The following ATP6V0E1 variants were observed in gnomAD, a reference collection of about 807,000 sequenced individuals.
ATP6V0E1 encodes V-type proton ATPase subunit e 1.
ATP6V0E1 carries 4 observed loss-of-function variants against 11.6 expected under a neutral mutation model. The ratio of observed to expected loss-of-function variants is 0.35; its 90% confidence interval spans 0.17 to 0.79. The LOEUF is 0.79. Among genes scored for constraint, ATP6V0E1 ranks in the 30% least tolerant of loss-of-function variants. ATP6V0E1 has a pLI of 0.54. For missense variants in ATP6V0E1, 105 were observed against 100.0 expected (o/e 1.05, Z -0.21); for synonymous variants, 36 against 34.8 (o/e 1.04, Z -0.13).
chr5:173,018,280 A>C (rs1397135869), intron 2 of ATP6V0E1, among the ~76,000 whole-genome samples: 2 of 152,202 alleles, frequency 1.3e-5, no homozygotes, highest in African/African-American at 4.8e-5. Context: ...AAGAGAAAAT[A>C]TGTTTACTAT....
intron 1 of ATP6V0E1, among the ~76,000 whole-genome samples, chr5:172,987,678 C>T (rs1224806598): frequency 6.6e-6 from 1 of 151,852 alleles, no homozygotes; most frequent in Non-Finnish European, 1.5e-5. Context: ...CTTTTGAAAA[C>T]AAATCAAAAC....
In ATP6V0E1 at chr5:173,034,741, A is replaced by G. The variant is rs912785570; in HGVS notation, c.*379A>G. 2.9e-6 allele frequency: 1 copy of G among 345,210 alleles called. No individual in the cohort carries two copies. The highest frequency in any genetic ancestry group is 2.1e-5 in the African/African-American group (1 of 48,640). The allele number at this position is 345,210 out of a possible 1,614,324, so 21.4% of individuals were successfully genotyped here. ...CAGTGAAGTGTTTAGAAACTGCTGC[A>G]AGACAAACAAGACTCCAGTGGGGTG... On this transcript the variant is annotated 3_prime_UTR_variant, in exon 4 of 4. Transcript: ENST00000519374.
Position 172,994,825 on chromosome 5 carries a change from A to C in ATP6V0E1, c.152+3A>C. 6.3e-7 allele frequency: 1 copy of C among 1,597,170 alleles called. No homozygotes were observed. Among genetic ancestry groups the C allele is most frequent in the South Asian group, 1.1e-5 (1 of 88,668 alleles). On this transcript the variant is annotated splice_donor_region_variant and intron_variant, in intron 2 of 3. Transcript: ENST00000519374. ...TGTTCAGTTTGCTGCTATCTCTTGTAAGTAATTTTTTCTTAAGTAATTATT... is the reference window on the plus strand; with the variant it reads ...TGTTCAGTTTGCTGCTATCTCTTGTCAGTAATTTTTTCTTAAGTAATTATT...
intron 3 of ATP6V0E1, among the ~76,000 whole-genome samples, chr5:173,033,583 C>T (rs918934586): frequency 6.6e-6 from 1 of 152,140 alleles, no homozygotes; most frequent in Non-Finnish European, 1.5e-5. Context: ...TGGCTCATGC[C>T]TGTAATCCCA....
intron 2 of ATP6V0E1, among the ~76,000 whole-genome samples, chr5:173,002,523 A>G (rs1756174568): frequency 6.6e-6 from 1 of 152,198 alleles, no homozygotes; most frequent in South Asian, 2.1e-4. Context: ...ATTGGTAGCC[A>G]TATCTAGAGG....
chr5:173,018,624 C>T lies in ATP6V0E1; in HGVS notation c.153-1614C>T, dbSNP rs112653776. Among the ~76,000 whole-genome samples the T allele has an allele frequency of 8.7e-3, 1,321 of 152,288 alleles. 19 individuals carry two copies. The highest frequency in any genetic ancestry group is 0.03 in the African/African-American group (1,261 of 41,556). On this transcript the variant is annotated intron_variant, in intron 2 of 3. Transcript: ENST00000519374. ...GTCGAAATAATGCCCCGTCAAGCCACTCTCTATTCCTTCTCCTTGCTTGAC... is the reference window on the plus strand; with the variant it reads ...GTCGAAATAATGCCCCGTCAAGCCATTCTCTATTCCTTCTCCTTGCTTGAC...
At chr5:173,032,253 A>ATTTTAT (rs70984930) in intron 3 of ATP6V0E1, among the ~76,000 whole-genome samples, 4,971 of 124,244 alleles carry the variant, frequency 0.04, 115 homozygotes, top group African/African-American at 0.049. Flanking sequence ...ATTTTATTTT[A>ATTTTAT]TTTATTTATT....
chr5:173,017,406 C>T (rs1045870115), intron 2 of ATP6V0E1, among the ~76,000 whole-genome samples: 50 of 151,712 alleles, frequency 3.3e-4, no homozygotes, highest in African/African-American at 1.1e-3. Flanking sequence ...TGGTGGCAGG[C>T]GCCTGTAATC....
chr5:173,003,449 A>C (rs548124428), intron 2 of ATP6V0E1, among the ~76,000 whole-genome samples: 5 of 152,302 alleles, frequency 3.3e-5, no homozygotes, highest in African/African-American at 1.2e-4. Context: ...TGTTAAGTGA[A>C]TAGGAGATGC....
At chr5:173,021,473 T>A (rs1468606789) in intron 3 of ATP6V0E1, among the ~76,000 whole-genome samples, 1 of 152,150 alleles carries the variant, frequency 6.6e-6, no homozygotes, top group African/African-American at 2.4e-5. Flanking sequence ...GTGAGACTTA[T>A]TCACTACCAT....
intron 3 of ATP6V0E1, among the ~76,000 whole-genome samples, chr5:173,024,764 A>G (rs1756530692): frequency 2.0e-5 from 3 of 152,212 alleles, no homozygotes; most frequent in African/African-American, 4.8e-5. Flanking sequence ...TCAGATGAAA[A>G]ATAATCTTAA....
intron 3 of ATP6V0E1, among the ~76,000 whole-genome samples, chr5:173,031,712 G>A (rs1420802558): frequency 2.0e-5 from 3 of 151,772 alleles, no homozygotes; most frequent in African/African-American, 4.8e-5. Flanking sequence ...CCAGCTACTC[G>A]GGAGGCTGAG....
At chr5:173,003,669 C>T (rs566482752) in intron 2 of ATP6V0E1, among the ~76,000 whole-genome samples, 3 of 152,162 alleles carry the variant, frequency 2.0e-5, no homozygotes, top group South Asian at 4.2e-4. Flanking sequence ...ATTTATTGGT[C>T]GTACTGATGG....
chr5:173,026,981 C>T (rs1359552065), intron 3 of ATP6V0E1, among the ~76,000 whole-genome samples: 2 of 150,756 alleles, frequency 1.3e-5, no homozygotes, highest in African/African-American at 2.4e-5. Flanking sequence ...TCGAGACCAT[C>T]CTGGCTAACG....
At chr5:173,019,609 T>C (rs1160699846) in intron 2 of ATP6V0E1, among the ~76,000 whole-genome samples, 1 of 152,126 alleles carries the variant, frequency 6.6e-6, no homozygotes, top group East Asian at 1.9e-4. Context: ...CTTTATAGTT[T>C]AGTCTGTAAT....
chr5:173,021,878 A>T (rs139551933), intron 3 of ATP6V0E1, among the ~76,000 whole-genome samples: 3 of 151,860 alleles, frequency 2.0e-5, no homozygotes, highest in African/African-American at 7.3e-5. Flanking sequence ...TACTAAAAAT[A>T]CAAAAAATTA....
intron 3 of ATP6V0E1, among the ~76,000 whole-genome samples, chr5:173,025,504 CTTTTTTTTTTTTTTT>C (rs60822937): frequency 4.6e-5 from 3 of 65,566 alleles, no homozygotes; most frequent in Non-Finnish European, 8.3e-5. Flanking sequence ...ATATAAAATA[CTTTTTTTTTTTTTTT>C]TTTTTTTTTT....
intron 1 of ATP6V0E1, among the ~76,000 whole-genome samples, chr5:172,987,383 A>C (rs1755913134): frequency 6.6e-6 from 1 of 151,298 alleles, no homozygotes; most frequent in African/African-American, 2.4e-5. Flanking sequence ...TGCTGGATTC[A>C]AGCAATTCTC....
At chr5:173,027,493 C>T (rs1336168943) in intron 3 of ATP6V0E1, among the ~76,000 whole-genome samples, 2 of 151,110 alleles carry the variant, frequency 1.3e-5, no homozygotes, top group African/African-American at 4.8e-5. Context: ...CAGAAAGAGA[C>T]TCCGTCTCAA....
Sources: allele counts gnomAD v4.1 joint callset (sites outside exome capture counted in the v4.1 genomes callset), GRCh38; gene constraint gnomAD v4.1.1; transcripts MANE v1.5; gene names NCBI Gene and HGNC (gene_info 2026-07-23, HGNC 2026-07-21).